Variants in CDH18 observed in about 807,000 individuals in gnomAD.
CDH18 encodes the protein cadherin-18.
CDH18 carries 31 observed loss-of-function variants against 67.9 expected under a neutral mutation model. That is an observed-to-expected ratio of 0.46 (90% CI 0.34 to 0.62). The LOEUF is 0.62. CDH18 is among the 20% of genes least tolerant of loss of function. The pLI is 0.01. For synonymous variants in CDH18, 362 were observed against 347.2 expected (o/e 1.04, Z -0.48); for missense variants, 890 against 975.5 (o/e 0.91, Z 1.17).
intron 2 of CDH18, among the ~76,000 whole-genome samples, chr5:20,161,578 T>G (rs1735892776): frequency 6.6e-6 from 1 of 152,224 alleles, no homozygotes; most frequent in Non-Finnish European, 1.5e-5. Context: ...TATGTTCTCA[T>G]TATCTCTTTT....
intron 1 of CDH18, among the ~76,000 whole-genome samples, chr5:20,418,386 T>C (rs1747529713): frequency 6.6e-6 from 1 of 151,544 alleles, no homozygotes; most frequent in Non-Finnish European, 1.5e-5. Flanking sequence ...CGGCCAAGAC[T>C]AGTGTCTTTT....
At chr5:19,939,442 T>G (rs1220797177) in intron 2 of CDH18, among the ~76,000 whole-genome samples, 1 of 151,758 alleles carries the variant, frequency 6.6e-6, no homozygotes. Context: ...AAAATGTCTA[T>G]TTTTGAAATT....
intron 1 of CDH18, among the ~76,000 whole-genome samples, chr5:20,488,095 G>A (rs956667493): frequency 6.6e-6 from 1 of 151,994 alleles, no homozygotes; most frequent in South Asian, 2.1e-4. Flanking sequence ...TTGCTCCTGG[G>A]AAGATTCTTT....
chr5:19,663,233 G>GA (rs1054090812), intron 5 of CDH18, among the ~76,000 whole-genome samples: 4 of 151,454 alleles, frequency 2.6e-5, no homozygotes, highest in African/African-American at 4.8e-5. Flanking sequence ...GCTTTAATGA[G>GA]AAAAAAAATG....
chr5:19,664,315 T>C (rs1237135155), intron 5 of CDH18, among the ~76,000 whole-genome samples: 1 of 151,930 alleles, frequency 6.6e-6, no homozygotes, highest in East Asian at 1.9e-4. Flanking sequence ...GATAAATTTC[T>C]AGCAAAATTT....
intron 4 of CDH18, among the ~76,000 whole-genome samples, chr5:19,736,360 C>T (rs1768322094): frequency 6.6e-6 from 1 of 152,028 alleles, no homozygotes; most frequent in Non-Finnish European, 1.5e-5. Context: ...CTCTAGCTAG[C>T]CTGGGGGACT....
At chr5:20,098,740 T>G (rs1746201018) in intron 2 of CDH18, among the ~76,000 whole-genome samples, 1 of 152,110 alleles carries the variant, frequency 6.6e-6, no homozygotes, top group African/African-American at 2.4e-5. Context: ...CTTTTCTTTT[T>G]CATTTTAATT....
rs375562682 is a variant in CDH18 at position 19,615,470 on chromosome 5, T to C, written c.644-2869A>G. On this transcript the variant is annotated intron_variant, in intron 5 of 12. Coordinates refer to ENST00000382275, the MANE Select transcript of CDH18 (RefSeq NM_004934.5). ...TCCCATATACCCTTTACTTCCTCCA[T>C]GAGCACAGCCTCCCCACTAACAGTA... Among the ~76,000 whole-genome samples, 58 of 152,278 alleles carry C rather than the reference T, an allele frequency of 3.8e-4. 3 individuals are homozygous for C. Among genetic ancestry groups the C allele is most frequent in the African/African-American group, 1.2e-3 (51 of 41,568 alleles).
intron 2 of CDH18, among the ~76,000 whole-genome samples, chr5:20,135,203 G>A (rs533346806): frequency 4.6e-5 from 7 of 152,188 alleles, no homozygotes; most frequent in Non-Finnish European, 8.8e-5. Flanking sequence ...CTGAAGTAGA[G>A]TTTTGTTCTC....
intron 3 of CDH18, among the ~76,000 whole-genome samples, chr5:19,830,801 G>A (rs1192098952): frequency 6.6e-6 from 1 of 152,038 alleles, no homozygotes; most frequent in African/African-American, 2.4e-5. Context: ...CCCATTAAGA[G>A]TATCCTGGAT....
intron 2 of CDH18, among the ~76,000 whole-genome samples, chr5:20,145,299 T>C (rs1286642022): frequency 6.6e-6 from 1 of 152,210 alleles, no homozygotes; most frequent in East Asian, 1.9e-4. Context: ...TTTTTCTTAA[T>C]GTGTAAAAAC....
intron 3 of CDH18, among the ~76,000 whole-genome samples, chr5:19,810,286 A>T (rs113378931): frequency 2.6e-5 from 4 of 152,212 alleles, no homozygotes; most frequent in African/African-American, 9.6e-5. Context: ...ACCCAAGATC[A>T]CACCACTGCA....
At chr5:20,364,698 C>T (rs919442688) in intron 1 of CDH18, among the ~76,000 whole-genome samples, 43 of 151,984 alleles carry the variant, frequency 2.8e-4, no homozygotes, top group African/African-American at 1.0e-3. Context: ...TTAGTGCTCC[C>T]CATAATGTAT....
chr5:20,283,322 T>A (rs1396426774), intron 1 of CDH18, among the ~76,000 whole-genome samples: 1 of 151,928 alleles, frequency 6.6e-6, no homozygotes, highest in Non-Finnish European at 1.5e-5. Flanking sequence ...ATCCACAGAA[T>A]GGGGGAAAAT....
rs574056046 is a variant in CDH18 at position 19,625,593 on chromosome 5, T to C, written c.644-12992A>G. Among the ~76,000 whole-genome samples, 9 of 152,340 alleles carry C rather than the reference T, an allele frequency of 5.9e-5. No homozygotes were observed. The South Asian group carries it at 8.3e-4, about 14-fold the overall frequency. On this transcript the variant is annotated intron_variant, in intron 5 of 12. Coordinates refer to ENST00000382275, the MANE Select transcript of CDH18 (RefSeq NM_004934.5). ...CCAAGCCTCTCTCCCTGGCTTATCA[T>C]TGGCTGTTTTCCTACTCACGTGGAC...
intron 5 of CDH18, among the ~76,000 whole-genome samples, chr5:19,663,861 G>T (rs1376748564): frequency 6.7e-6 from 1 of 149,514 alleles, no homozygotes; most frequent in Non-Finnish European, 1.5e-5. Context: ...CCTTGCATAA[G>T]ATACACTTAA....
At chr5:20,048,686 G>A (rs1481803346) in intron 2 of CDH18, among the ~76,000 whole-genome samples, 1 of 151,608 alleles carries the variant, frequency 6.6e-6, no homozygotes, top group Non-Finnish European at 1.5e-5. Flanking sequence ...AGCTGATAAT[G>A]GATATCCAGA....
chr5:20,241,905 T>TATATATATACATATATATATATATAA (rs369967608), intron 2 of CDH18, among the ~76,000 whole-genome samples: 1 of 141,452 alleles, frequency 7.1e-6, no homozygotes, highest in African/African-American at 2.8e-5. Flanking sequence ...TATATATATA[T>TATATATATACATATATATATATATAA]ATATTGCTTA....
intron 1 of CDH18, among the ~76,000 whole-genome samples, chr5:20,543,555 T>A (rs1757174129): frequency 6.6e-6 from 1 of 152,132 alleles, no homozygotes; most frequent in Admixed American, 6.5e-5. Context: ...TTGGCCAGAA[T>A]AGAAAGATTT....
Sources: gnomAD v4.1 joint callset for allele counts (sites outside exome capture counted in the v4.1 genomes callset) on GRCh38, gnomAD v4.1.1 for gene constraint, MANE v1.5 for transcripts, NCBI Gene and HGNC (gene_info 2026-07-23, HGNC 2026-07-21) for gene names.